LGR5: variants seen among roughly 807,000 people sequenced by gnomAD.
LGR5 encodes leucine-rich repeat-containing G protein-coupled receptor 5.
LGR5 carries 54 observed loss-of-function variants against 76.7 expected under a neutral mutation model. That is an observed-to-expected ratio of 0.70 (90% confidence interval 0.57 to 0.88). The LOEUF (loss-of-function observed/expected upper bound fraction) is 0.88, where lower values mean the gene tolerates loss of function less well. Among genes scored for constraint, LGR5 ranks in the 40% least tolerant of loss-of-function variants. The pLI is 0.00. For synonymous variants in LGR5, 406 were observed against 421.9 expected (o/e 0.96, Z 0.46); for missense variants, 1,078 against 1,073.3 (o/e 1.00, Z -0.06).
At position 71,505,083 on chromosome 12, in the gene LGR5, C is replaced by T. The variant is rs555663110; in HGVS notation, c.284+398C>T. On this transcript the variant is annotated intron_variant, in intron 2 of 17. Transcript: ENST00000266674. ...CAAAACCAAAAACTGCTGCTTGGTT[C>T]GGCTTATGACAGGGAGAATTGAGTC... 1.1e-4 allele frequency among the ~76,000 whole-genome samples: 17 copies of T among 152,288 alleles called. No homozygotes were observed. In the South Asian group the frequency reaches 3.1e-3, roughly 28 times the overall value.
At chr12:71,490,673 T>C (rs1159170709) in intron 1 of LGR5, among the ~76,000 whole-genome samples, 1 of 152,228 alleles carries the variant, frequency 6.6e-6, no homozygotes, top group Admixed American at 6.5e-5. Context: ...GAATATGCTC[T>C]GGCCACTAGA....
At chr12:71,466,423 A>G (rs972675895) in intron 1 of LGR5, among the ~76,000 whole-genome samples, 5 of 152,172 alleles carry the variant, frequency 3.3e-5, no homozygotes, top group African/African-American at 4.8e-5. Flanking sequence ...AAAATATTAG[A>G]TGGTGTAAAG....
Position 71,584,722 on chromosome 12 carries a change from C to T in LGR5, c.2712C>T (p.Val904=). The T allele has an allele frequency of 6.2e-7, 1 of 1,609,894 alleles. No individual in the cohort carries two copies. The highest frequency in any genetic ancestry group is 8.5e-7 in the Non-Finnish European group (1 of 1,176,638). ...ESCHLSSVAF[V]PCL is the part of the protein sequence containing the mutation. Reference sequence around the variant, plus strand: ...GCCATCTTTCCTCTGTGGCATTTGTCCCATGTCTCTAATTAATATGTGAAG... The same window carrying T: ...GCCATCTTTCCTCTGTGGCATTTGTTCCATGTCTCTAATTAATATGTGAAG... Residue 904 remains valine (V), a synonymous_variant, in exon 18 of 18, where the codon GTC becomes GTT. Transcript: ENST00000266674.
At chr12:71,568,628 G>A (rs574729156) in intron 11 of LGR5, among the ~76,000 whole-genome samples, 1 of 152,268 alleles carries the variant, frequency 6.6e-6, no homozygotes, top group Non-Finnish European at 1.5e-5. Flanking sequence ...CTGCAAAATG[G>A]TGTCTTCTCA....
chr12:71,564,019 G>A lies in LGR5; in HGVS notation c.857+2167G>A, dbSNP rs113260852. On this transcript the variant is annotated intron_variant, in intron 8 of 17. Coordinates refer to ENST00000266674, the MANE Select transcript of LGR5 (RefSeq NM_003667.4). Reference sequence around the variant, plus strand: ...ATATACGTATCTGTACACACGCACCGTGTATATATGCATATATACGTATCT... The same window carrying A: ...ATATACGTATCTGTACACACGCACCATGTATATATGCATATATACGTATCT... 5.2e-3 allele frequency among the ~76,000 whole-genome samples: 107 copies of A among 20,488 alleles called. 7 individuals carry two copies. Among genetic ancestry groups the A allele is most frequent in the African/African-American group, 0.01 (103 of 9,952 alleles). The allele number at this position is 20,488 out of a possible 152,430, so 13.4% of individuals were successfully genotyped here.
At chr12:71,572,983 C>T in intron 13 of LGR5, 62 bp downstream of exon 13, 3 of 1,223,294 alleles carry the variant, frequency 2.5e-6, no homozygotes, top group Non-Finnish European at 3.6e-6. Flanking sequence ...TTGGGGCCTT[C>T]CCCTAATGTT....
intron 2 of LGR5, among the ~76,000 whole-genome samples, chr12:71,506,969 A>T (rs576525758): frequency 2.6e-5 from 4 of 152,118 alleles, no homozygotes; most frequent in Non-Finnish European, 5.9e-5. Flanking sequence ...TGTTAGACAT[A>T]TGCTTAAGTC....
At chr12:71,565,841 A>C (rs1378279245) in intron 8 of LGR5, among the ~76,000 whole-genome samples, 1 of 152,032 alleles carries the variant, frequency 6.6e-6, no homozygotes, top group Admixed American at 6.6e-5. Flanking sequence ...TGTAAAACAA[A>C]ATATTTTTTA....
intron 11 of LGR5, 44 bp downstream of exon 11, chr12:71,566,956 C>G: frequency 1.5e-6 from 2 of 1,367,580 alleles, no homozygotes; most frequent in South Asian, 2.3e-5. Context: ...CAGGCAACTT[C>G]CATTTAGGGG....
At chr12:71,538,977 A>G (rs1876740981) in intron 4 of LGR5, among the ~76,000 whole-genome samples, 1 of 152,244 alleles carries the variant, frequency 6.6e-6, no homozygotes, top group African/African-American at 2.4e-5. Flanking sequence ...TGTTTAATTG[A>G]AAACAGCTTG....
chr12:71,557,544 G>T (rs939312761), intron 6 of LGR5, among the ~76,000 whole-genome samples: 1 of 152,086 alleles, frequency 6.6e-6, no homozygotes, highest in Non-Finnish European at 1.5e-5. Flanking sequence ...TACTTCCAAA[G>T]AATAAGTCAA....
rs1341743251 is a variant in LGR5, at chr12:71,585,618, A to G, written c.*884A>G. ...AAGAATTTTTGCAATAAGTTTTATC[A>G]GTTGATTCAAACTGATGTGCATCTT... On this transcript the variant is annotated 3_prime_UTR_variant, in exon 18 of 18. Coordinates refer to ENST00000266674, the MANE Select transcript of LGR5 (RefSeq NM_003667.4). 6.6e-6 allele frequency: 1 copy of G among 152,224 alleles called. No homozygotes were observed. The highest frequency in any genetic ancestry group is 1.5e-5 in the Non-Finnish European group (1 of 68,028). 9.4% of individuals were successfully genotyped at this position (152,224 alleles called of 1,614,324 possible).
chr12:71,571,563 C>G lies in LGR5; in HGVS notation c.1120C>G (p.Gln374Glu), dbSNP rs746507538. 6.2e-7 allele frequency: 1 copy of G among 1,611,310 alleles called. No homozygotes were observed. The highest frequency in any genetic ancestry group is 8.5e-7 in the Non-Finnish European group (1 of 1,177,906). The change falls in exon 12 of 18, where the codon CAA (glutamine) becomes GAA (glutamate). Residue 374 changes from glutamine to glutamate, a missense_variant. Gln to Glu is a conservative substitution (Grantham distance 29). Coordinates refer to ENST00000266674, the MANE Select transcript of LGR5 (RefSeq NM_003667.4). ...LEDLPSFSVC[Q>E]KLQKIDLRHN... ...AGATTTACCCAGTTTTTCAGTCTGCCAAAAGCTTCAGAAAATGTAAGTCTA... is the reference window on the plus strand; with the variant it reads ...AGATTTACCCAGTTTTTCAGTCTGCGAAAAGCTTCAGAAAATGTAAGTCTA...
At chr12:71,567,221 G>T in intron 11 of LGR5, 1 of 337,848 alleles carries the variant, frequency 3.0e-6, no homozygotes, top group Non-Finnish European at 5.7e-6. Flanking sequence ...TAAAGGCTTT[G>T]CAGAGCAGAA....
chr12:71,541,411 AT>A (rs1225987474), intron 4 of LGR5, among the ~76,000 whole-genome samples: 2 of 152,170 alleles, frequency 1.3e-5, no homozygotes, highest in African/African-American at 4.8e-5. Context: ...AGTAAAATAA[AT>A]TTTTTTAAAG....
In LGR5 at chr12:71,514,270, G is replaced by A. The variant is rs576757866; in HGVS notation, c.284+9585G>A. Among the ~76,000 whole-genome samples, 17 of 152,166 alleles carry A rather than the reference G, an allele frequency of 1.1e-4. No homozygotes were observed. The South Asian group carries it at 1.5e-3, about 13-fold the overall frequency. On this transcript the variant is annotated intron_variant, in intron 2 of 17. Transcript: ENST00000266674. Reference sequence around the variant, plus strand: ...ATTAAAATTGAACTTCCTTAGTCTGGTTAAAGAAACCACAGGGGCAGGGCA... The same window carrying A: ...ATTAAAATTGAACTTCCTTAGTCTGATTAAAGAAACCACAGGGGCAGGGCA...
At position 71,524,423 on chromosome 12, in the gene LGR5, C is replaced by T. The variant is rs1565719160; in HGVS notation, c.302C>T (p.Ala101Val). The change falls in exon 3 of 18, where the codon GCT becomes GTT. Residue 101 changes from alanine (A) to valine (V), a missense_variant. Coordinates refer to ENST00000266674, the MANE Select transcript of LGR5 (RefSeq NM_003667.4). ...ACCCACAGACGTCTTGCGGGAAACG[C>T]TCTGACATACATTCCCAAGGGAGCA... ...FLEELRLAGN[A>V]LTYIPKGAFT... 3.7e-6 allele frequency: 6 copies of T among 1,613,124 alleles called. No individual in the cohort carries two copies. Among genetic ancestry groups the T allele is most frequent in the South Asian group, 2.2e-5 (2 of 91,030 alleles).
At chr12:71,442,901 G>A (rs1310105257) in intron 1 of LGR5, among the ~76,000 whole-genome samples, 1 of 152,120 alleles carries the variant, frequency 6.6e-6, no homozygotes, top group Admixed American at 6.6e-5. Context: ...TTATTTGAAG[G>A]AATAACTTCC....
At chr12:71,470,220 A>G (rs769494837) in intron 1 of LGR5, among the ~76,000 whole-genome samples, 2 of 152,128 alleles carry the variant, frequency 1.3e-5, no homozygotes, top group Admixed American at 6.5e-5. Flanking sequence ...GGCTTCATCA[A>G]TGAGAAAGTC....
Sources: allele counts gnomAD v4.1 joint callset (sites outside exome capture counted in the v4.1 genomes callset), GRCh38; gene constraint gnomAD v4.1.1; transcripts MANE v1.5; gene names NCBI Gene and HGNC (gene_info 2026-07-23, HGNC 2026-07-21).